The following PGAP6 variants were observed in gnomAD, a reference collection of about 807,000 sequenced individuals.
The protein encoded by PGAP6 is post-GPI attachment to proteins factor 6.
PGAP6 carries 62 observed loss-of-function variants against 68.4 expected under a neutral mutation model. The observed-to-expected ratio is 0.91, with a 90% confidence interval of 0.74 to 1.12. The LOEUF (loss-of-function observed/expected upper bound fraction) is 1.12. PGAP6 is among the 50% of genes most tolerant of loss of function. The pLI is 0.00. For missense variants in PGAP6, 1,188 were observed against 1,068.5 expected (o/e 1.11, Z -1.56); for synonymous variants, 575 against 474.0 (o/e 1.21, Z -2.77).
chr16:382,039 G>C (rs2141768714), upstream of PGAP6: 1 of 655,878 alleles, frequency 1.5e-6, no homozygotes, highest in East Asian at 5.5e-5. Flanking sequence ...GTCGGGGGGC[G>C]GGACCGGGGG....
chr16:375,809 C>T (rs973072880), intron 6 of PGAP6, among the ~76,000 whole-genome samples: 1 of 152,160 alleles, frequency 6.6e-6, no homozygotes, highest in African/African-American at 2.4e-5. Context: ...GGATTACAGG[C>T]GTGAGCCACC....
At chr16:380,323 G>A (rs189643503) in intron 1 of PGAP6, among the ~76,000 whole-genome samples, 12 of 152,000 alleles carry the variant, frequency 7.9e-5, no homozygotes, top group Non-Finnish European at 1.3e-4. Flanking sequence ...AACTGGAACC[G>A]CAGGCTTACA....
At chr16:372,375 A>G in intron 12 of PGAP6, 92 bp from the exon 13 acceptor site, 1 of 1,377,846 alleles carries the variant, frequency 7.3e-7, no homozygotes, top group South Asian at 1.3e-5. Context: ...GGGCCTGCCC[A>G]GGTCTGGGCA....
Position 372,257 on chromosome 16 carries a change from C to G in PGAP6, c.2046G>C (p.Gln682His), listed in dbSNP as rs541277808. Reference protein sequence around the residue: ...MWAYRCGHRRQCYPTSWQRWA... With the variant: ...MWAYRCGHRRHCYPTSWQRWA... Reference sequence around the variant, plus strand: ...AGCGCTGCCACGAGGTGGGGTAGCACTGGCGCCGGTGCCCGCAGCGGTAAG... The same window carrying G: ...AGCGCTGCCACGAGGTGGGGTAGCAGTGGCGCCGGTGCCCGCAGCGGTAAG... The change falls in exon 13 of 13, where the codon CAG becomes CAC. Residue 682 changes from glutamine to histidine, a missense_variant. Gln to His is a conservative substitution (Grantham distance 24, BLOSUM62 0). Coordinates refer to ENST00000431232, the MANE Select transcript of PGAP6 (RefSeq NM_021259.3). 1.3e-5 allele frequency: 21 copies of G among 1,611,332 alleles called. No individual in the cohort carries two copies. Among genetic ancestry groups the G allele is most frequent in the Non-Finnish European group, 1.7e-5 (20 of 1,179,842 alleles).
At position 371,139 on chromosome 16, in the gene PGAP6, C is replaced by T. The variant is rs1012209010; in HGVS notation, c.*848G>A. Reference sequence around the variant, plus strand: ...GGTGCTGCTCCTGGTCATTGCTTCCCCCACAAGGTTTGCATGAGGAGCAGA... The same window carrying T: ...GGTGCTGCTCCTGGTCATTGCTTCCTCCACAAGGTTTGCATGAGGAGCAGA... On this transcript the variant is annotated 3_prime_UTR_variant, in exon 13 of 13. Transcript: ENST00000431232. 3.9e-5 allele frequency: 6 copies of T among 152,308 alleles called. No individual in the cohort carries two copies. Among genetic ancestry groups the T allele is most frequent in the African/African-American group, 1.4e-4 (6 of 41,416 alleles). 9.4% of individuals were successfully genotyped at this position (152,308 alleles called of 1,614,324 possible).
At position 376,182 on chromosome 16, in the gene PGAP6, C is replaced by A. The variant is rs548347261; in HGVS notation, c.1178G>T (p.Gly393Val). ...GGTGAGGGAACCCCCGCTGTCCATGCCGGTGTTCAGGCGCAGCCGCATCAC... is the reference window on the plus strand; with the variant it reads ...GGTGAGGGAACCCCCGCTGTCCATGACGGTGTTCAGGCGCAGCCGCATCAC... Reference protein sequence around the residue: ...PSVMRLRLNTGMDSGGSLTIS... With the variant: ...PSVMRLRLNTVMDSGGSLTIS... Residue 393 changes from glycine (G) to valine (V), a missense_variant, in exon 6 of 13, where the codon GGC (glycine) becomes GTC (valine). Physicochemically the swap from Gly to Val is moderately radical, Grantham distance 109. Transcript: ENST00000431232. 2.5e-6 allele frequency: 4 copies of A among 1,611,978 alleles called. No homozygotes were observed. Among genetic ancestry groups the A allele is most frequent in the Non-Finnish European group, 3.4e-6 (4 of 1,179,630 alleles).
intron 1 of PGAP6, 97 bp from the exon 2 acceptor site, chr16:377,945 C>A (rs535152893): frequency 2.7e-6 from 3 of 1,115,256 alleles, no homozygotes; most frequent in African/African-American, 3.2e-5. Context: ...TGGAAGCCCC[C>A]GGGGACCCAC....
upstream of PGAP6, among the ~76,000 whole-genome samples, chr16:385,618 A>ATTTTT (rs71139779): frequency 1.2e-4 from 9 of 77,014 alleles, no homozygotes; most frequent in Non-Finnish European, 1.8e-4. Flanking sequence ...GCCTACTCTG[A>ATTTTT]TTTTTTTTTT....
rs2054442878 is a variant in PGAP6 at position 381,891 on chromosome 16, GCC to G, written c.-72_-71del. 9 of 186,402 alleles carry G rather than the reference GCC, an allele frequency of 4.8e-5. No homozygotes were observed. The African/African-American group carries it at 1.2e-3, about 26-fold the overall frequency. The allele number at this position is 186,402 out of a possible 1,614,324, so 11.5% of individuals were successfully genotyped here. ...GCCGGCCCCCGCCGCCGCCCGGGCA[GCC>G]TCTGCCGCCTCCGCCTCTGCCGCCT... On this transcript the variant is annotated 5_prime_UTR_variant, in exon 1 of 13. An upstream open reading frame in the 5' UTR loses its in-frame stop. Coordinates refer to ENST00000431232, the MANE Select transcript of PGAP6 (RefSeq NM_021259.3).
chr16:385,310 ATTTT>A (rs35605582), upstream of PGAP6, among the ~76,000 whole-genome samples: 2 of 112,420 alleles, frequency 1.8e-5, no homozygotes, highest in East Asian at 2.4e-4. Context: ...ATATACTCTG[ATTTT>A]TTTTTTTTTT....
In PGAP6 at chr16:372,610, C is replaced by T; in HGVS notation, c.2019+1G>A. The T allele has an allele frequency of 6.2e-7, 1 of 1,609,486 alleles. No homozygotes were observed. Among genetic ancestry groups the T allele is most frequent in the Non-Finnish European group, 8.5e-7 (1 of 1,177,812 alleles). On this transcript the variant is annotated splice_donor_variant, in intron 12 of 12. Coordinates refer to ENST00000431232, the MANE Select transcript of PGAP6 (RefSeq NM_021259.3). LOFTEE classifies it high-confidence loss of function. ...CAGTGCCAGCCAGCCCGGCTCCTTA[C>T]CCACATGGAGGCCATGATCACGAAG...
intron 9 of PGAP6, 61 bp from the exon 10 acceptor site, chr16:374,460 C>G: frequency 6.8e-7 from 1 of 1,470,602 alleles, no homozygotes; most frequent in Non-Finnish European, 9.0e-7. Context: ...GGGCCCACCC[C>G]TCACCCAGGA....
upstream of PGAP6, among the ~76,000 whole-genome samples, chr16:386,022 G>A (rs182801176): frequency 4.6e-5 from 7 of 152,046 alleles, no homozygotes; most frequent in Non-Finnish European, 8.8e-5. Flanking sequence ...TAACAGGGAC[G>A]CATCGTATTT....
At chr16:380,708 C>G (rs745851956) in intron 1 of PGAP6, among the ~76,000 whole-genome samples, 14 of 150,592 alleles carry the variant, frequency 9.3e-5, no homozygotes, top group Admixed American at 8.0e-4. Context: ...GGAAAACTGC[C>G]TTTCATCTCT....
intron 8 of PGAP6, 22 bp downstream of exon 8, chr16:375,111 T>C (rs915935807): frequency 1.2e-6 from 2 of 1,611,658 alleles, no homozygotes; most frequent in Admixed American, 1.7e-5. Context: ...CTGGCCCCCG[T>C]CTCTGCCCTA....
Position 374,251 on chromosome 16 carries a change from G to C in PGAP6, c.1725C>G (p.Ser575=), listed in dbSNP as rs148970260. 6.2e-7 allele frequency: 1 copy of C among 1,608,124 alleles called. No homozygotes were observed. The highest frequency in any genetic ancestry group is 1.3e-5 in the African/African-American group (1 of 74,888). The part of the protein sequence containing the change: ...SVRRFFLVEA[S]VYAYTMFFST... ...AGAAGAACATGGTGTAGGCGTAGAC[G>C]GAGGCCTCCACCAGGAAGAATCGCC... Residue 575 remains serine (S), a synonymous_variant, in exon 10 of 13, where the codon TCC becomes TCG. Coordinates refer to ENST00000431232, the MANE Select transcript of PGAP6 (RefSeq NM_021259.3).
intron 1 of PGAP6, among the ~76,000 whole-genome samples, chr16:380,049 AC>A (rs1261391921): frequency 1.3e-5 from 2 of 152,072 alleles, no homozygotes; most frequent in Non-Finnish European, 2.9e-5. Context: ...GACCCTGACC[AC>A]CCACAACGCC....
In PGAP6 at chr16:372,147, T is replaced by C. The variant is rs756917669; in HGVS notation, c.2156A>G (p.Tyr719Cys). The C allele has an allele frequency of 1.6e-5, 25 of 1,612,488 alleles. No homozygotes were observed. Among genetic ancestry groups the C allele is most frequent in the Non-Finnish European group, 2.0e-5 (24 of 1,179,890 alleles). ...GATGTGCCAGATGCTGTGGGTGTAG[T>C]AGTAGTTGTCGCTAGTCATCATGGA... ...YTSMMTSDNY[Y>C]YTHSIWHILL... Residue 719 changes from tyrosine to cysteine, a missense_variant, in exon 13 of 13, where the codon TAC (tyrosine) becomes TGC (cysteine). By Grantham distance (194) the Tyr-to-Cys change is radical. Transcript: ENST00000431232.
chr16:376,580 C>T lies in PGAP6; in HGVS notation c.868G>A (p.Gly290Arg), dbSNP rs748686647. The change falls in exon 5 of 13, where the codon GGG (glycine) becomes AGG (arginine). Residue 290 changes from glycine to arginine, a missense_variant. Physicochemically the swap from Gly to Arg is moderately radical, Grantham distance 125 (BLOSUM62 -2). Coordinates refer to ENST00000431232, the MANE Select transcript of PGAP6 (RefSeq NM_021259.3). ...GCTACAGCACTGAAAGCCACTGTCCCGAGGGGCCCCACCAGGCTCTCAGCT... is the reference window on the plus strand; with the variant it reads ...GCTACAGCACTGAAAGCCACTGTCCTGAGGGGCCCCACCAGGCTCTCAGCT... ...VTAESLVGPL[G>R]TVAFSAVAAL... is the part of the protein sequence containing the mutation. 7.0e-6 allele frequency: 11 copies of T among 1,571,874 alleles called. No individual in the cohort carries two copies. Among genetic ancestry groups the T allele is most frequent in the African/African-American group, 2.7e-5 (2 of 74,254 alleles).
Sources: allele counts gnomAD v4.1 joint callset (sites outside exome capture counted in the v4.1 genomes callset), GRCh38; gene constraint gnomAD v4.1.1; transcripts MANE v1.5; gene names NCBI Gene and HGNC (gene_info 2026-07-23, HGNC 2026-07-21).